Variants in MTREX observed in about 807,000 individuals in gnomAD.
The protein encoded by MTREX is exosome RNA helicase MTR4.
A neutral mutation model predicts 135.4 loss-of-function variants in MTREX; 76 were observed. That is an observed-to-expected ratio of 0.56 (90% CI 0.47 to 0.68). The LOEUF is 0.68. MTREX is among the 30% of genes least tolerant of loss of function. The probability of loss-of-function intolerance (pLI) is 0.00; values close to 1 mark genes in which losing one functional copy is unlikely to be tolerated. For missense variants in MTREX, 920 were observed against 1,262.1 expected (o/e 0.73, Z 4.11); for synonymous variants, 404 against 401.6 (o/e 1.01, Z -0.07).
chr5:55,374,084 C>G (rs1750252678), intron 16 of MTREX, among the ~76,000 whole-genome samples: 1 of 151,770 alleles, frequency 6.6e-6, no homozygotes, highest in African/African-American at 2.4e-5. Context: ...ATGGCGAAAC[C>G]CTGTCTCTAC....
At chr5:55,421,519 C>G (rs915047438) in intron 25 of MTREX, among the ~76,000 whole-genome samples, 6 of 152,204 alleles carry the variant, frequency 3.9e-5, no homozygotes, top group Non-Finnish European at 5.9e-5. Context: ...GCTCTCTGGC[C>G]TGAATGTGCA....
At chr5:55,325,653 T>G (rs1238933188) in intron 3 of MTREX, among the ~76,000 whole-genome samples, 1 of 152,100 alleles carries the variant, frequency 6.6e-6, no homozygotes, top group Non-Finnish European at 1.5e-5. Context: ...CCTAGCCATG[T>G]GCAGGTTTGT....
chr5:55,424,621 G>A (rs543290077), intron 26 of MTREX, 99 bp from the exon 27 acceptor site: 4 of 775,134 alleles, frequency 5.2e-6, no homozygotes, highest in South Asian at 4.6e-5. Flanking sequence ...TCGCTTACCA[G>A]TTGAATCAGG....
intron 15 of MTREX, among the ~76,000 whole-genome samples, chr5:55,361,772 T>C (rs935760656): frequency 1.4e-5 from 2 of 143,038 alleles, no homozygotes; most frequent in Non-Finnish European, 3.0e-5. Context: ...TTTTTTTTTT[T>C]AATAGAGACA....
intron 19 of MTREX, among the ~76,000 whole-genome samples, chr5:55,394,629 C>T (rs571574564): frequency 6.6e-6 from 1 of 152,172 alleles, no homozygotes; most frequent in Non-Finnish European, 1.5e-5. Context: ...CAGTAATGCT[C>T]TCTCCCCCAC....
At chr5:55,353,336 A>G (rs931559847) in intron 14 of MTREX, 67 bp downstream of exon 14, 2 of 994,822 alleles carry the variant, frequency 2.0e-6, no homozygotes, top group Non-Finnish European at 3.0e-6. Flanking sequence ...ACTGGCTTAC[A>G]TAGTCTTTGA....
chr5:55,348,169 AG>A, intron 11 of MTREX, among the ~76,000 whole-genome samples: 1 of 152,158 alleles, frequency 6.6e-6, no homozygotes. Context: ...CAGCACATCT[AG>A]TGAGGGCCTT....
rs1751127215 is a variant in MTREX at position 55,424,908 on chromosome 5, TAGAA to T, written c.*139_*142del. Reference sequence around the variant, plus strand: ...TTATATTTAAATCAAACATCATTCATAGAAAGCATATTACATACATGTTTATACA... The same window carrying T: ...TTATATTTAAATCAAACATCATTCATAGCATATTACATACATGTTTATACA... On this transcript the variant is annotated 3_prime_UTR_variant, in exon 27 of 27. Coordinates refer to ENST00000230640, the MANE Select transcript of MTREX (RefSeq NM_015360.5). 1 of 667,326 alleles carries T rather than the reference TAGAA, an allele frequency of 1.5e-6. No individual in the cohort carries two copies. Among genetic ancestry groups the T allele is most frequent in the African/African-American group, 1.8e-5 (1 of 55,162 alleles). The allele number at this position is 667,326 out of a possible 1,614,324, so 41.3% of individuals were successfully genotyped here. A position where few individuals can be genotyped will look rare whatever the true frequency, so the allele number is the denominator to read the frequency against.
chr5:55,407,684 A>C (rs1750828009), intron 22 of MTREX, among the ~76,000 whole-genome samples: 1 of 152,144 alleles, frequency 6.6e-6, no homozygotes, highest in African/African-American at 2.4e-5. Flanking sequence ...CAATTACTGC[A>C]GTTGCCCTCC....
intron 15 of MTREX, among the ~76,000 whole-genome samples, chr5:55,361,902 T>C (rs572996050): frequency 7.9e-4 from 110 of 138,940 alleles, no homozygotes; most frequent in African/African-American, 3.3e-3. Context: ...CTTGTTGTTG[T>C]TGTTTGTTTG....
At chr5:55,339,199 C>T (rs1475582359) in intron 5 of MTREX, among the ~76,000 whole-genome samples, 1 of 151,974 alleles carries the variant, frequency 6.6e-6, no homozygotes, top group Non-Finnish European at 1.5e-5. Flanking sequence ...GTCATACTTT[C>T]CTGTTTGTTT....
intron 11 of MTREX, 101 bp downstream of exon 11, chr5:55,347,245 A>G: frequency 8.3e-7 from 1 of 1,208,650 alleles, no homozygotes; most frequent in South Asian, 1.4e-5. Flanking sequence ...AGGATATGCC[A>G]TTCACCTTAC....
chr5:55,360,887 C>T (rs1450608160), intron 15 of MTREX, among the ~76,000 whole-genome samples: 1 of 152,120 alleles, frequency 6.6e-6, no homozygotes, highest in Non-Finnish European at 1.5e-5. Context: ...ATGTTAATTA[C>T]AATAATTATG....
At chr5:55,384,580 T>G (rs1228361182) in intron 18 of MTREX, among the ~76,000 whole-genome samples, 1 of 152,194 alleles carries the variant, frequency 6.6e-6, no homozygotes, top group Non-Finnish European at 1.5e-5. Flanking sequence ...TCTTTGCATG[T>G]CTCTTTTTTG....
At chr5:55,365,383 G>T (rs1012085493) in intron 15 of MTREX, among the ~76,000 whole-genome samples, 6 of 152,094 alleles carry the variant, frequency 3.9e-5, no homozygotes, top group African/African-American at 1.2e-4. Flanking sequence ...AAAGTACGTG[G>T]CTCTTGAGTT....
In MTREX at chr5:55,308,148, G is replaced by A. The variant is rs1748997493; in HGVS notation, c.134+1G>A. On this transcript the variant is annotated splice_donor_variant, in intron 1 of 26. Coordinates refer to ENST00000230640, the MANE Select transcript of MTREX (RefSeq NM_015360.5). LOFTEE classifies it high-confidence loss of function. ...CTCCAGGGTCTGCAGACAAGGCAGG[G>A]TAAGGAAGAAGTTCCAGTTGTTGCT... 1.3e-6 allele frequency: 2 copies of A among 1,588,798 alleles called. No individual in the cohort carries two copies. The highest frequency in any genetic ancestry group is 1.7e-6 in the Non-Finnish European group (2 of 1,170,320).
At position 55,414,054 on chromosome 5, in the gene MTREX, T is replaced by C. The variant is rs141963021; in HGVS notation, c.2752-128T>C. The C allele has an allele frequency of 7.5e-3, 4,338 of 576,914 alleles. 31 individuals carry two copies. The highest frequency in any genetic ancestry group is 9.2e-3 in the Non-Finnish European group (3,130 of 341,846). 35.7% of individuals were successfully genotyped at this position (576,914 alleles called of 1,614,324 possible). A position where few individuals can be genotyped will look rare whatever the true frequency, so the allele number is the denominator to read the frequency against. ...TGAATTGATTAGAAACTCTAAATGC[T>C]GATGACTAAGGTCTTATAATTTGAT... is the stretch of plus-strand genomic sequence containing the variant. On this transcript the variant is annotated intron_variant, in intron 23 of 26. Transcript: ENST00000230640.
chr5:55,412,065 G>T (rs1336890820), intron 23 of MTREX, among the ~76,000 whole-genome samples: 3 of 152,114 alleles, frequency 2.0e-5, no homozygotes, highest in Admixed American at 6.5e-5. Flanking sequence ...GGGGCAAGAT[G>T]TCAATATATA....
At chr5:55,316,615 G>A (rs1007023256) in intron 1 of MTREX, among the ~76,000 whole-genome samples, 8 of 152,078 alleles carry the variant, frequency 5.3e-5, no homozygotes, top group Non-Finnish European at 1.0e-4. Context: ...CAGTAACCTA[G>A]GTATTGAAGG....
Sources: allele counts gnomAD v4.1 joint callset (sites outside exome capture counted in the v4.1 genomes callset), GRCh38; gene constraint gnomAD v4.1.1; transcripts MANE v1.5; gene names NCBI Gene and HGNC (gene_info 2026-07-23, HGNC 2026-07-21).